SLC12A5: variants seen among roughly 807,000 people sequenced by gnomAD.
SLC12A5 encodes solute carrier family 12 member 5, also known as K-Cl cotransporter 2.
In SLC12A5, 18 loss-of-function variants were observed where a neutral mutation model predicts 124.0. The ratio of observed to expected loss-of-function variants is 0.15; its 90% confidence interval spans 0.10 to 0.22. The LOEUF (loss-of-function observed/expected upper bound fraction) is 0.22, where lower values mean the gene tolerates loss of function less well. Among genes scored for constraint, SLC12A5 ranks in the 10% least tolerant of loss-of-function variants. The pLI is 1.00. For missense variants in SLC12A5, 867 were observed against 1,478.7 expected, an observed-to-expected ratio of 0.59 and a Z score of 6.78; for synonymous variants, 589 against 568.0, an observed-to-expected ratio of 1.04 and a Z score of -0.53.
Position 46,056,758 on chromosome 20 carries a change from C to A in SLC12A5, c.3111-139C>A. ...AAGTCTCAGAATTCCCAGTTGCAGG[C>A]AGCGGAAAGGTGAAGGGTGTGGGGG... On this transcript the variant is annotated intron_variant, in intron 23 of 25. Transcript: ENST00000243964. The surrounding 1 kb of genome is among the most constrained non-coding windows in gnomAD (Gnocchi z 4.3). The A allele has an allele frequency of 8.7e-7, 1 of 1,153,800 alleles. No individual in the cohort carries two copies. The highest frequency in any genetic ancestry group is 1.3e-5 in the South Asian group (1 of 76,150). 71.5% of individuals were successfully genotyped at this position (1,153,800 alleles called of 1,614,324 possible).
chr20:46,041,547 G>A lies in SLC12A5; in HGVS notation c.1066+7G>A, dbSNP rs537760777. ...GCCAGTGGCCTCATCAAAGGTCTGC[G>A]GAGGGACAAGGGCTGGCATCCAGGG... On this transcript the variant is annotated splice_region_variant and intron_variant, in intron 8 of 25. Transcript: ENST00000243964. 2.2e-5 allele frequency: 36 copies of A among 1,613,236 alleles called. No individual in the cohort carries two copies. Among genetic ancestry groups the A allele is most frequent in the African/African-American group, 4.0e-5 (3 of 74,930 alleles).
chr20:46,045,771 TCTTTGGTGATAGGATTC>T lies in SLC12A5; in HGVS notation c.1570-104_1570-88del, dbSNP rs1250021873. ...AGAAATGCATCCTCTCCCTTCCTCC[TCTTTGGTGATAGGATTC>T]CTGCCTCTACTCCACTGGTTCCCGA... On this transcript the variant is annotated intron_variant, in intron 12 of 25. Transcript: ENST00000243964. This position sits in a 1 kb window ranked among gnomAD's most constrained non-coding sequence, Gnocchi z 4.9. 2 of 824,780 alleles carry T rather than the reference TCTTTGGTGATAGGATTC, an allele frequency of 2.4e-6. No individual in the cohort carries two copies. Among genetic ancestry groups the T allele is most frequent in the Non-Finnish European group, 4.0e-6 (2 of 506,230 alleles). 51.1% of individuals were successfully genotyped at this position (824,780 alleles called of 1,614,324 possible).
At chr20:46,036,586 T>C in intron 4 of SLC12A5, 155 bp from the exon 5 acceptor site, 1 of 657,424 alleles carries the variant, frequency 1.5e-6, no homozygotes, top group Non-Finnish European at 2.6e-6. Context: ...AAGAAGGACT[T>C]GGCAGGAGTA....
chr20:46,046,238 G>T, intron 13 of SLC12A5, 100 bp from the exon 14 acceptor site: 2 of 1,134,188 alleles, frequency 1.8e-6, no homozygotes, highest in South Asian at 2.7e-5. Flanking sequence ...GCCACCTCCT[G>T]ACTTCCTGTC....
At position 46,058,636 on chromosome 20, in the gene SLC12A5, G is replaced by A. The variant is rs2084720068; in HGVS notation, c.*1031G>A. On this transcript the variant is annotated 3_prime_UTR_variant, in exon 26 of 26. Transcript: ENST00000243964. This position sits in a 1 kb window ranked among gnomAD's most constrained non-coding sequence, Gnocchi z 5.8. Reference sequence around the variant, plus strand: ...GGGGAGCAGGCGTCTCTCCTCAGTCGGCTTGTCGCCTGCTCCCCGTATCCC... The same window carrying A: ...GGGGAGCAGGCGTCTCTCCTCAGTCAGCTTGTCGCCTGCTCCCCGTATCCC... The A allele has an allele frequency of 2.5e-6, 1 of 399,010 alleles. No individual in the cohort carries two copies. The highest frequency in any genetic ancestry group is 4.4e-6 in the Non-Finnish European group (1 of 226,096). 24.7% of individuals were successfully genotyped at this position (399,010 alleles called of 1,614,324 possible).
At chr20:46,026,106 C>A (rs2084396348), upstream of SLC12A5, among the ~76,000 whole-genome samples, 1 of 152,120 alleles carries the variant, frequency 6.6e-6, no homozygotes. Context: ...AAAATATGAA[C>A]CTTTCCATTT....
chr20:46,022,933 C>A (rs1182966018), exon 2 of SLC12A5: 3 of 366,250 alleles, frequency 8.2e-6, no homozygotes, highest in Non-Finnish European at 9.3e-6. Flanking sequence ...CTTGTAGTGG[C>A]CCCAGCGAGG....
intron 18 of SLC12A5, 22 bp downstream of exon 18, chr20:46,051,892 G>A: frequency 1.9e-6 from 1 of 538,976 alleles, no homozygotes; most frequent in Non-Finnish European, 3.1e-6. Flanking sequence ...GGGGGCTGGG[G>A]ACAGAAGAGG....
intron 17 of SLC12A5, 104 bp from the exon 18 acceptor site, chr20:46,051,571 T>G: frequency 9.3e-7 from 1 of 1,072,808 alleles, no homozygotes; most frequent in Non-Finnish European, 1.4e-6. Flanking sequence ...TTCAGGAAGA[T>G]TGGGATGAAA....
At chr20:46,035,342 C>G (rs2084487655) in intron 2 of SLC12A5, 62 bp from the exon 3 acceptor site, 2 of 1,567,910 alleles carry the variant, frequency 1.3e-6, no homozygotes, top group African/African-American at 1.4e-5. Flanking sequence ...CTCTGCCCTT[C>G]GCCACCCAGC....
intron 1 of SLC12A5, chr20:46,022,584 T>C (rs1317275336): frequency 2.8e-6 from 1 of 362,820 alleles, no homozygotes; most frequent in East Asian, 4.0e-5. Flanking sequence ...GGGAAGTTAG[T>C]ATGGATCCTG....
intron 1 of SLC12A5, chr20:46,021,954 G>A (rs2145464009): frequency 2.1e-6 from 3 of 1,421,860 alleles, no homozygotes; most frequent in South Asian, 2.9e-5. Context: ...GGGGCGGACC[G>A]TCTGTTGAAG....
At chr20:46,025,053 C>A (rs1271244248), upstream of SLC12A5, among the ~76,000 whole-genome samples, 1 of 152,160 alleles carries the variant, frequency 6.6e-6, no homozygotes, top group Non-Finnish European at 1.5e-5. Context: ...CTAGCTCAGG[C>A]TCTGTGGTGT....
At chr20:46,055,895 T>G in intron 21 of SLC12A5, 1 of 484,546 alleles carries the variant, frequency 2.1e-6, no homozygotes, top group East Asian at 3.8e-5. Flanking sequence ...CATTGGACCA[T>G]AGTGCTAGGC....
chr20:46,041,620 C>A, intron 8 of SLC12A5, 80 bp downstream of exon 8: 2 of 1,452,854 alleles, frequency 1.4e-6, no homozygotes, highest in African/African-American at 1.4e-5. Context: ...AGGGGCCCTC[C>A]TTGGGATTCA....
intron 17 of SLC12A5, 21 bp downstream of exon 17, chr20:46,049,811 G>A (rs1249925036): frequency 1.3e-6 from 2 of 1,564,450 alleles, no homozygotes; most frequent in Admixed American, 3.8e-5. Flanking sequence ...GCCCTGGTTG[G>A]GCTTGGGAAA....
In SLC12A5 at chr20:46,053,509, A is replaced by G. The variant is rs1204889687; in HGVS notation, c.2548-69A>G. 5 of 1,595,156 alleles carry G rather than the reference A, an allele frequency of 3.1e-6. No homozygotes were observed. The highest frequency in any genetic ancestry group is 4.3e-6 in the Non-Finnish European group (5 of 1,171,296). On this transcript the variant is annotated intron_variant, in intron 19 of 25. Transcript: ENST00000243964. This position sits in a 1 kb window ranked among gnomAD's most constrained non-coding sequence, Gnocchi z 4.7. Reference sequence around the variant, plus strand: ...GGGAAGAGGGGAAGGGTGAGCGGACAGGGCCTGGCCCTGGATCTCCTCATC... The same window carrying G: ...GGGAAGAGGGGAAGGGTGAGCGGACGGGGCCTGGCCCTGGATCTCCTCATC...
intron 6 of SLC12A5, among the ~76,000 whole-genome samples, chr20:46,038,530 G>T (rs546449891): frequency 6.6e-6 from 1 of 152,206 alleles, no homozygotes; most frequent in Non-Finnish European, 1.5e-5. Flanking sequence ...AAGGCTCAGA[G>T]TTTAAGGAAC....
intron 1 of SLC12A5, among the ~76,000 whole-genome samples, chr20:46,032,137 G>T (rs2145478514): frequency 6.6e-6 from 1 of 152,308 alleles, no homozygotes; most frequent in African/African-American, 2.4e-5. Flanking sequence ...CGCGCTGCGC[G>T]CCGCGTTACA....
Sources: gnomAD v4.1 joint callset for allele counts (sites outside exome capture counted in the v4.1 genomes callset) on GRCh38, gnomAD v4.1.1 for gene constraint, Gnocchi (gnomAD v3.1) non-coding constraint, MANE v1.5 for transcripts, NCBI Gene and HGNC (gene_info 2026-07-23, HGNC 2026-07-21) for gene names.